Variants in ANTXR1 observed in about 807,000 individuals in gnomAD.
ANTXR1 encodes the protein anthrax toxin receptor 1.
Under a neutral mutation model 78.1 loss-of-function variants are expected in ANTXR1, and 19 were observed. The observed-to-expected ratio is 0.24, with a 90% CI of 0.17 to 0.36. The LOEUF (loss-of-function observed/expected upper bound fraction) is 0.36. ANTXR1 is among the 10% of genes least tolerant of loss of function. ANTXR1 has a pLI of 1.00. For synonymous variants in ANTXR1, 273 were observed against 260.5 expected (o/e 1.05, Z -0.46); for missense variants, 518 against 718.6 (o/e 0.72, Z 3.19).
At chr2:69,090,768 A>T in intron 8 of ANTXR1, 91 bp from the exon 9 acceptor site, 1 of 1,292,820 alleles carries the variant, frequency 7.7e-7, no homozygotes, top group Non-Finnish European at 1.1e-6. Context: ...GAACCTTCCT[A>T]TCTCTATCTC....
At chr2:69,163,313 T>A (rs1673734329) in intron 13 of ANTXR1, among the ~76,000 whole-genome samples, 1 of 149,394 alleles carries the variant, frequency 6.7e-6, no homozygotes, top group Non-Finnish European at 1.5e-5. Flanking sequence ...TCTTTTCATG[T>A]AAAAAAAAAA....
chr2:69,104,812 G>A (rs950983473), intron 10 of ANTXR1, among the ~76,000 whole-genome samples: 14 of 152,340 alleles, frequency 9.2e-5, no homozygotes, highest in East Asian at 3.9e-4. Context: ...GGCCAGGCAC[G>A]GTGGCTCACG....
At chr2:69,103,378 T>C (rs1671694283) in intron 10 of ANTXR1, 1 of 261,720 alleles carries the variant, frequency 3.8e-6, no homozygotes, top group African/African-American at 2.2e-5. Context: ...TAAGGGTAAG[T>C]GTGAAAAAGG....
intron 8 of ANTXR1, among the ~76,000 whole-genome samples, chr2:69,085,219 T>C (rs1454774826): frequency 6.6e-6 from 1 of 152,172 alleles, no homozygotes; most frequent in Non-Finnish European, 1.5e-5. Context: ...TTTGTGGCGC[T>C]TCTGTGGGAG....
intron 1 of ANTXR1, among the ~76,000 whole-genome samples, chr2:69,035,555 G>C (rs766243325): frequency 1.1e-4 from 17 of 152,138 alleles, no homozygotes; most frequent in Non-Finnish European, 2.5e-4. Context: ...AACCCAGTTT[G>C]GTTCCTAGAA....
chr2:69,074,777 A>AATATGCAT (rs1169900340), intron 6 of ANTXR1, among the ~76,000 whole-genome samples: 1 of 152,246 alleles, frequency 6.6e-6, no homozygotes, highest in African/African-American at 2.4e-5. Context: ...AATCAAAATC[A>AATATGCAT]ATATGCATAT....
At chr2:69,208,528 C>T (rs750558614) in intron 17 of ANTXR1, among the ~76,000 whole-genome samples, 4 of 152,204 alleles carry the variant, frequency 2.6e-5, no homozygotes, top group Admixed American at 6.5e-5. Context: ...TAACATTCTA[C>T]ATATATTGGG....
chr2:69,077,310 A>G, intron 7 of ANTXR1, 98 bp from the exon 8 acceptor site: 3 of 1,303,148 alleles, frequency 2.3e-6, no homozygotes, highest in East Asian at 2.3e-5. Context: ...TGGGTTCTGA[A>G]TATAACTAGA....
intron 12 of ANTXR1, among the ~76,000 whole-genome samples, chr2:69,147,670 T>C (rs1558599290): frequency 6.6e-6 from 1 of 152,246 alleles, no homozygotes; most frequent in Non-Finnish European, 1.5e-5. Context: ...TAAGTGTGCA[T>C]GTTGGGGGTC....
chr2:69,122,944 TC>T, intron 10 of ANTXR1, 72 bp from the exon 11 acceptor site: 1 of 1,511,906 alleles, frequency 6.6e-7, no homozygotes, highest in Non-Finnish European at 9.2e-7. Flanking sequence ...TGGTTGATGT[TC>T]TCTAGAAGTC....
intron 12 of ANTXR1, among the ~76,000 whole-genome samples, chr2:69,143,309 G>T (rs570283177): frequency 3.3e-5 from 5 of 152,344 alleles, no homozygotes; most frequent in African/African-American, 1.2e-4. Flanking sequence ...AGGATATACT[G>T]ATGGCACGTG....
intron 17 of ANTXR1, among the ~76,000 whole-genome samples, chr2:69,203,512 A>C (rs1674822785): frequency 1.3e-5 from 2 of 152,220 alleles, no homozygotes; most frequent in African/African-American, 4.8e-5. Context: ...TGTTAAACCC[A>C]AAGTTGATGC....
At chr2:69,128,290 T>G (rs1672614432) in intron 12 of ANTXR1, among the ~76,000 whole-genome samples, 1 of 152,074 alleles carries the variant, frequency 6.6e-6, no homozygotes, top group African/African-American at 2.4e-5. Context: ...AAAACTAAGA[T>G]AATAAAAAAT....
At chr2:69,091,042 G>A in intron 9 of ANTXR1, 123 bp downstream of exon 9, 1 of 1,001,626 alleles carries the variant, frequency 1.0e-6, no homozygotes, top group East Asian at 2.6e-5. Flanking sequence ...GGTGAAAAGA[G>A]GAGCTGAAAT....
intron 7 of ANTXR1, among the ~76,000 whole-genome samples, chr2:69,075,862 A>T (rs1371466909): frequency 6.6e-6 from 1 of 152,248 alleles, no homozygotes; most frequent in Non-Finnish European, 1.5e-5. Flanking sequence ...TTCAACACAG[A>T]CCATCAAGGC....
chr2:69,121,404 T>C (rs1490182666), intron 10 of ANTXR1, among the ~76,000 whole-genome samples: 3 of 152,244 alleles, frequency 2.0e-5, no homozygotes, highest in African/African-American at 7.2e-5. Context: ...ATTTGTTGAA[T>C]GAATGAATAA....
chr2:69,029,546 T>G (rs1382613925), intron 1 of ANTXR1, among the ~76,000 whole-genome samples: 1 of 151,286 alleles, frequency 6.6e-6, no homozygotes, highest in Non-Finnish European at 1.5e-5. Flanking sequence ...TAGAAAAGTC[T>G]ACATTCTTCC....
At chr2:69,056,010 G>A (rs953576996) in intron 3 of ANTXR1, among the ~76,000 whole-genome samples, 8 of 152,140 alleles carry the variant, frequency 5.3e-5, no homozygotes, top group Non-Finnish European at 8.8e-5. Context: ...CATATGGAAA[G>A]CACCTAACAG....
rs6546482 is a variant in ANTXR1, at chr2:69,102,650, T to C, written c.704-192T>C. ...CAAATAAGAAGTGATAGGCCCTTCT[T>C]GGGACACCTAGTGAGGATGCACTGG... On this transcript the variant is annotated intron_variant, in intron 9 of 17. Coordinates refer to ENST00000303714, the MANE Select transcript of ANTXR1 (RefSeq NM_032208.3). 0.83 allele frequency among the ~76,000 whole-genome samples: 126,951 copies of C among 152,124 alleles called. 53,122 individuals carry two copies. The highest frequency in any genetic ancestry group is 0.87 in the Admixed American group (13,376 of 15,298).
Sources: gnomAD v4.1 joint callset for allele counts (sites outside exome capture counted in the v4.1 genomes callset) on GRCh38, gnomAD v4.1.1 for gene constraint, MANE v1.5 for transcripts, NCBI Gene and HGNC (gene_info 2026-07-23, HGNC 2026-07-21) for gene names.